The following MRPL13 variants were observed in gnomAD, a reference collection of about 807,000 sequenced individuals.
MRPL13 encodes the protein mitochondrial ribosomal protein L13, also known as large ribosomal subunit protein uL13m.
MRPL13 carries 33 observed loss-of-function variants against 29.0 expected under a neutral mutation model. The observed-to-expected ratio is 1.14, with a 90% CI of 0.86 to 1.52. The LOEUF (loss-of-function observed/expected upper bound fraction) is 1.52. MRPL13 is among the 40% of genes most tolerant of loss of function. The pLI is 0.00. For synonymous variants in MRPL13, 77 were observed against 68.4 expected, an observed-to-expected ratio of 1.13 and a Z score of -0.62; for missense variants, 227 against 216.7, an observed-to-expected ratio of 1.05 and a Z score of -0.30.
At chr8:120,436,856 T>C (rs1477371202) in intron 2 of MRPL13, among the ~76,000 whole-genome samples, 7 of 152,202 alleles carry the variant, frequency 4.6e-5, no homozygotes, top group Non-Finnish European at 1.0e-4. Context: ...TTGGCCTTTA[T>C]GTTTGTTTCT....
chr8:120,396,058 G>A lies in MRPL13; in HGVS notation c.*46C>T. 1.3e-6 allele frequency: 2 copies of A among 1,515,034 alleles called. No individual in the cohort carries two copies. The highest frequency in any genetic ancestry group is 1.8e-6 in the Non-Finnish European group (2 of 1,104,834). 93.8% of individuals were successfully genotyped at this position (1,515,034 alleles called of 1,614,324 possible). A position where few individuals can be genotyped will look rare whatever the true frequency, so the allele number is the denominator to read the frequency against. ...TGTAGGTTAGAGAAACTCATCAGAA[G>A]AAAGTTTCAATCACTTCACTGTTAT... On this transcript the variant is annotated 3_prime_UTR_variant, in exon 7 of 7. Transcript: ENST00000306185.
chr8:120,422,607 T>C (rs904865386), intron 4 of MRPL13, among the ~76,000 whole-genome samples: 1 of 148,462 alleles, frequency 6.7e-6, no homozygotes, highest in Non-Finnish European at 1.5e-5. Context: ...AACATATAAA[T>C]ATATATAAAC....
chr8:120,418,252 T>C (rs1338954666), intron 5 of MRPL13, among the ~76,000 whole-genome samples: 1 of 152,114 alleles, frequency 6.6e-6, no homozygotes, highest in African/African-American at 2.4e-5. Flanking sequence ...TTTAAAAAAT[T>C]GCACAATACT....
At chr8:120,396,483 G>A (rs1314833856) in intron 6 of MRPL13, among the ~76,000 whole-genome samples, 1 of 151,942 alleles carries the variant, frequency 6.6e-6, no homozygotes, top group East Asian at 1.9e-4. Flanking sequence ...AAAATCATAC[G>A]AAGACATGGA....
intron 5 of MRPL13, among the ~76,000 whole-genome samples, chr8:120,418,379 TTGCTGGATCAAGGATCA>T: frequency 6.6e-6 from 1 of 152,096 alleles, no homozygotes; most frequent in East Asian, 1.9e-4. Context: ...ATAAATGAGA[TTGCTGGATCAAGGATCA>T]ATCTCCTGAT....
intron 6 of MRPL13, among the ~76,000 whole-genome samples, chr8:120,404,292 T>A (rs1239986216): frequency 6.6e-6 from 1 of 152,232 alleles, no homozygotes; most frequent in Non-Finnish European, 1.5e-5. Context: ...TTAGTCACAG[T>A]CACCAGTTGT....
chr8:120,434,621 T>C (rs965174406), intron 2 of MRPL13, among the ~76,000 whole-genome samples: 8 of 152,114 alleles, frequency 5.3e-5, no homozygotes, highest in Non-Finnish European at 1.2e-4. Flanking sequence ...CACGTATTCT[T>C]TTCTGCTAAA....
chr8:120,410,701 C>T (rs1012383579), intron 6 of MRPL13, among the ~76,000 whole-genome samples: 7 of 152,118 alleles, frequency 4.6e-5, no homozygotes, highest in African/African-American at 1.4e-4. Context: ...TCAAGAGCCA[C>T]ACGTCAACAG....
At chr8:120,436,593 G>A (rs1008421049) in intron 2 of MRPL13, among the ~76,000 whole-genome samples, 2 of 152,042 alleles carry the variant, frequency 1.3e-5, no homozygotes, top group Non-Finnish European at 2.9e-5. Flanking sequence ...CTTCCAGTCT[G>A]TAGCTTGTTT....
chr8:120,401,121 A>G (rs1322724797), intron 6 of MRPL13, among the ~76,000 whole-genome samples: 1 of 152,174 alleles, frequency 6.6e-6, no homozygotes, highest in Admixed American at 6.5e-5. Flanking sequence ...AAAAAATTCA[A>G]AAGAAGGGAC....
At chr8:120,396,517 GAGTA>G (rs759828572) in intron 6 of MRPL13, among the ~76,000 whole-genome samples, 1 of 151,370 alleles carries the variant, frequency 6.6e-6, no homozygotes, top group South Asian at 2.1e-4. Flanking sequence ...TGCAAATTTT[GAGTA>G]AGTGATTTTT....
intron 1 of MRPL13, 45 bp downstream of exon 1, chr8:120,445,023 T>G: frequency 6.2e-7 from 1 of 1,613,506 alleles, no homozygotes; most frequent in Non-Finnish European, 8.5e-7. Flanking sequence ...GCTCTCCTTC[T>G]GCCAGTATAA....
intron 6 of MRPL13, among the ~76,000 whole-genome samples, chr8:120,402,706 C>A (rs529090486): frequency 2.6e-5 from 4 of 152,112 alleles, no homozygotes; most frequent in Non-Finnish European, 4.4e-5. Flanking sequence ...TCAGAGTCAA[C>A]AGGCAACTCA....
At chr8:120,437,695 A>G (rs896268658) in intron 2 of MRPL13, among the ~76,000 whole-genome samples, 2 of 152,208 alleles carry the variant, frequency 1.3e-5, no homozygotes, top group African/African-American at 4.8e-5. Context: ...TTCCATAAAA[A>G]ATAACCTTAT....
intron 6 of MRPL13, 122 bp from the exon 7 acceptor site, chr8:120,396,247 T>A: frequency 1.4e-6 from 1 of 707,498 alleles, no homozygotes; most frequent in East Asian, 2.9e-5. Context: ...CTACAAACAC[T>A]ATATCTAAAT....
At chr8:120,421,136 A>T (rs572281112) in intron 4 of MRPL13, among the ~76,000 whole-genome samples, 2 of 151,994 alleles carry the variant, frequency 1.3e-5, no homozygotes, top group East Asian at 3.9e-4. Flanking sequence ...TTCCTCATAT[A>T]ATCTATATCC....
intron 6 of MRPL13, among the ~76,000 whole-genome samples, chr8:120,409,781 T>C (rs1158079297): frequency 6.6e-6 from 1 of 152,148 alleles, no homozygotes; most frequent in Non-Finnish European, 1.5e-5. Context: ...CCATAGTATA[T>C]ATAAAATGGC....
intron 4 of MRPL13, among the ~76,000 whole-genome samples, chr8:120,423,508 T>C (rs1395377903): frequency 2.6e-5 from 4 of 151,896 alleles, no homozygotes; most frequent in Non-Finnish European, 5.9e-5. Context: ...AGAGTACACA[T>C]AAAGAAACAA....
At chr8:120,427,946 A>G (rs1174596037) in intron 3 of MRPL13, among the ~76,000 whole-genome samples, 2 of 152,114 alleles carry the variant, frequency 1.3e-5, no homozygotes, top group African/African-American at 4.8e-5. Context: ...TATTCCTATT[A>G]AACTACCACT....
Sources: gnomAD v4.1 joint callset for allele counts (sites outside exome capture counted in the v4.1 genomes callset) on GRCh38, gnomAD v4.1.1 for gene constraint, MANE v1.5 for transcripts, NCBI Gene and HGNC (gene_info 2026-07-23, HGNC 2026-07-21) for gene names.